Variants in WFDC10A observed in about 807,000 individuals in gnomAD.
WFDC10A encodes WAP four-disulfide core domain protein 10A.
WFDC10A carries 2 observed loss-of-function variants against 2.6 expected under a neutral mutation model. The observed-to-expected ratio is 0.76, with a 90% CI of 0.31 to 2.40. WFDC10A has a LOEUF of 2.40. Among genes scored for constraint, WFDC10A ranks in the 30% most tolerant of loss-of-function variants. The pLI is 0.12. For synonymous variants in WFDC10A, 36 were observed against 36.3 expected, an observed-to-expected ratio of 0.99 and a Z score of 0.03; for missense variants, 84 against 91.8, an observed-to-expected ratio of 0.92 and a Z score of 0.35.
chr20:45,630,971 A>G lies in WFDC10A; in HGVS notation c.193A>G (p.Ile65Val), dbSNP rs537092750. The change falls in exon 2 of 2, where the codon ATA (isoleucine) becomes GTA (valine). Residue 65 changes from isoleucine (I) to valine (V), a missense_variant. Coordinates refer to ENST00000372643, the MANE Select transcript of WFDC10A (RefSeq NM_080753.3). ...ESHRDCQANN[I>V]CCSTYCGNVC... is the part of the protein sequence containing the mutation. ...TCACCGAGATTGTCAAGCAAATAAC[A>G]TATGCTGTTCTACCTACTGTGGGAA... is the stretch of plus-strand genomic sequence containing the variant. 12 of 1,612,024 alleles carry G rather than the reference A, an allele frequency of 7.4e-6. No individual in the cohort carries two copies. The African/African-American group carries it at 9.3e-5, about 13-fold the overall frequency.
rs1982312899 is a variant in WFDC10A at position 45,629,853 on chromosome 20, G to A, written c.40G>A (p.Val14Met). The A allele has an allele frequency of 6.2e-7, 1 of 1,614,082 alleles. No homozygotes were observed. The highest frequency in any genetic ancestry group is 8.5e-7 in the Non-Finnish European group (1 of 1,180,002). The stretch of plus-strand genomic sequence containing the variant: ...TCTGCTGCCTGTCCTGGTTCTCTGT[G>A]TGCTGCTGCTGCAGGCCCAGGGAGG... ...QTLLPVLVLCVLLLQAQGGYR... is the reference protein window; with the variant it reads ...QTLLPVLVLCMLLLQAQGGYR... Residue 14 changes from valine to methionine, a missense_variant, in exon 1 of 2, where the codon GTG becomes ATG. Physicochemically the swap from Val to Met is conservative, Grantham distance 21. Coordinates refer to ENST00000372643, the MANE Select transcript of WFDC10A (RefSeq NM_080753.3).
intron 1 of WFDC10A, 22 bp from the exon 2 acceptor site, chr20:45,630,838 GCGTTTATTTA>G: frequency 6.4e-7 from 1 of 1,553,512 alleles, no homozygotes; most frequent in Non-Finnish European, 8.7e-7. Flanking sequence ...CTAGGAAACT[GCGTTTATTTA>G]CCGTTCTATT....
In WFDC10A at chr20:45,629,811, G is replaced by C. The variant is rs1172192420; in HGVS notation, c.-3G>C. ...ACATAGGGCTCACGATCTGATCAGA[G>C]TCATGGCACCCCAGACTCTGCTGCC... On this transcript the variant is annotated 5_prime_UTR_variant, in exon 1 of 2. Transcript: ENST00000372643. 1 of 1,613,488 alleles carries C rather than the reference G, an allele frequency of 6.2e-7. No homozygotes were observed. The highest frequency in any genetic ancestry group is 1.3e-5 in the African/African-American group (1 of 75,052).
intron 1 of WFDC10A, among the ~76,000 whole-genome samples, 194 bp downstream of exon 1, chr20:45,630,098 G>A (rs556124341): frequency 6.6e-6 from 1 of 152,154 alleles, no homozygotes; most frequent in South Asian, 2.1e-4. Flanking sequence ...ATAGTAATGG[G>A]AATGAAGAAG....
chr20:45,631,112 C>A lies in WFDC10A; in HGVS notation c.*94C>A. 7.2e-7 allele frequency: 1 copy of A among 1,393,366 alleles called. No homozygotes were observed. The highest frequency in any genetic ancestry group is 9.5e-7 in the Non-Finnish European group (1 of 1,049,686). 86.3% of individuals were successfully genotyped at this position (1,393,366 alleles called of 1,614,324 possible). A position where few individuals can be genotyped will look rare whatever the true frequency, so the allele number is the denominator to read the frequency against. ...AAGCACAAGGACCTCAAGTCACCAGCATAAGAACATCAACAGGAATGCCGC... is the reference window on the plus strand; with the variant it reads ...AAGCACAAGGACCTCAAGTCACCAGAATAAGAACATCAACAGGAATGCCGC... On this transcript the variant is annotated 3_prime_UTR_variant, in exon 2 of 2. Coordinates refer to ENST00000372643, the MANE Select transcript of WFDC10A (RefSeq NM_080753.3).
In WFDC10A at chr20:45,630,938, T is replaced by A. The variant is rs374193789; in HGVS notation, c.160T>A (p.Cys54Ser). The change falls in exon 2 of 2, where the codon TGT becomes AGT. Residue 54 changes from cysteine (C) to serine (S), a missense_variant. Coordinates refer to ENST00000372643, the MANE Select transcript of WFDC10A (RefSeq NM_080753.3). ...TAAACTATATCTATGCAAACACTTA[T>A]GTGAATCTCACCGAGATTGTCAAGC... is the stretch of plus-strand genomic sequence containing the variant. ...QPKLYLCKHL[C>S]ESHRDCQANN... 2 of 1,612,810 alleles carry A rather than the reference T, an allele frequency of 1.2e-6. No individual in the cohort carries two copies. Among genetic ancestry groups the A allele is most frequent in the Non-Finnish European group, 8.5e-7 (1 of 1,179,494 alleles).
Position 45,629,753 on chromosome 20 carries a change from G to T in WFDC10A, c.-61G>T. 6.3e-7 allele frequency: 1 copy of T among 1,575,628 alleles called. No homozygotes were observed. Among genetic ancestry groups the T allele is most frequent in the Non-Finnish European group, 8.6e-7 (1 of 1,157,086 alleles). ...TTCCTTCCTTCACTCTCCGTAGACA[G>T]CTCTGCAGGGAAGTCTGTGACAACC... On this transcript the variant is annotated 5_prime_UTR_variant, in exon 1 of 2. Transcript: ENST00000372643.
rs754099509 is a variant in WFDC10A, at chr20:45,630,933, A to T, written c.155A>T (p.His52Leu). ...QQQPKLYLCK[H>L]LCESHRDCQA... The stretch of plus-strand genomic sequence containing the variant: ...CAGCCTAAACTATATCTATGCAAAC[A>T]CTTATGTGAATCTCACCGAGATTGT... The change falls in exon 2 of 2, where the codon CAC becomes CTC. Residue 52 changes from histidine (H) to leucine (L), a missense_variant. Physicochemically the swap from His to Leu is moderately conservative, Grantham distance 99 (BLOSUM62 -3). Transcript: ENST00000372643. 11 of 1,612,488 alleles carry T rather than the reference A, an allele frequency of 6.8e-6. No homozygotes were observed. Among genetic ancestry groups the T allele is most frequent in the East Asian group, 2.2e-5 (1 of 44,790 alleles).
Position 45,630,919 on chromosome 20 carries a change from A to G in WFDC10A, c.141A>G (p.Leu47=), listed in dbSNP as rs759365403. 34 of 1,610,972 alleles carry G rather than the reference A, an allele frequency of 2.1e-5. No individual in the cohort carries two copies. In the South Asian group the frequency reaches 3.1e-4, roughly 15 times the overall value. Residue 47 remains leucine (L), a synonymous_variant, in exon 2 of 2, where the codon CTA becomes CTG. Transcript: ENST00000372643. ...AAGTCTGCCAGCAGCAGCCTAAACT[A>G]TATCTATGCAAACACTTATGTGAAT... ...EIKVCQQQPK[L]YLCKHLCESH... is the part of the protein sequence containing the mutation.
chr20:45,630,479 C>T (rs1982336073), intron 1 of WFDC10A, among the ~76,000 whole-genome samples: 1 of 152,122 alleles, frequency 6.6e-6, no homozygotes, highest in Non-Finnish European at 1.5e-5. Flanking sequence ...ATCCTCATCT[C>T]TGAATTCTAC....
In WFDC10A at chr20:45,630,917, C is replaced by G; in HGVS notation, c.139C>G (p.Leu47Val). 2 of 1,610,892 alleles carry G rather than the reference C, an allele frequency of 1.2e-6. No homozygotes were observed. The highest frequency in any genetic ancestry group is 1.7e-6 in the Non-Finnish European group (2 of 1,178,688). The change falls in exon 2 of 2, where the codon CTA (leucine) becomes GTA (valine). Residue 47 changes from leucine (L) to valine (V), a missense_variant. By Grantham distance (32) the Leu-to-Val change is conservative (BLOSUM62 1). Coordinates refer to ENST00000372643, the MANE Select transcript of WFDC10A (RefSeq NM_080753.3). Reference sequence around the variant, plus strand: ...CAAAGTCTGCCAGCAGCAGCCTAAACTATATCTATGCAAACACTTATGTGA... The same window carrying G: ...CAAAGTCTGCCAGCAGCAGCCTAAAGTATATCTATGCAAACACTTATGTGA... ...EIKVCQQQPK[L>V]YLCKHLCESH...
intron 1 of WFDC10A, 138 bp from the exon 2 acceptor site, chr20:45,630,732 G>A: frequency 1.0e-6 from 1 of 963,488 alleles, no homozygotes; most frequent in Non-Finnish European, 1.5e-6. Context: ...GTGATGGGCA[G>A]GAAGGTAGTT....
Position 45,630,853 on chromosome 20 carries a change from T to G in WFDC10A, c.92-17T>G. 3 of 1,585,028 alleles carry G rather than the reference T, an allele frequency of 1.9e-6. No homozygotes were observed. ...CTAGGAAACTGCGTTTATTTACCGT[T>G]CTATTCTCCTTGTCAGAAACACAGC... On this transcript the variant is annotated splice_polypyrimidine_tract_variant and intron_variant, in intron 1 of 1. Transcript: ENST00000372643.
rs777474048 is a variant in WFDC10A at position 45,630,970 on chromosome 20, C to T, written c.192C>T (p.Asn64=). 6 of 1,611,960 alleles carry T rather than the reference C, an allele frequency of 3.7e-6. No homozygotes were observed. Among genetic ancestry groups the T allele is most frequent in the Admixed American group, 1.7e-5 (1 of 59,732 alleles). ...CTCACCGAGATTGTCAAGCAAATAACATATGCTGTTCTACCTACTGTGGGA... is the reference window on the plus strand; with the variant it reads ...CTCACCGAGATTGTCAAGCAAATAATATATGCTGTTCTACCTACTGTGGGA... ...CESHRDCQAN[N]ICCSTYCGNV... The change falls in exon 2 of 2, where the codon AAC becomes AAT. Residue 64 remains asparagine (N), a synonymous_variant. Coordinates refer to ENST00000372643, the MANE Select transcript of WFDC10A (RefSeq NM_080753.3).
chr20:45,630,958 T>A lies in WFDC10A; in HGVS notation c.180T>A (p.Cys60Ter). 1 of 1,612,210 alleles carries A rather than the reference T, an allele frequency of 6.2e-7. No homozygotes were observed. The highest frequency in any genetic ancestry group is 8.5e-7 in the Non-Finnish European group (1 of 1,179,340). ...ACTTATGTGAATCTCACCGAGATTG[T>A]CAAGCAAATAACATATGCTGTTCTA... Reference protein sequence around the residue: ...CKHLCESHRDCQANNICCSTY... With the variant: ...CKHLCESHRD The change falls in exon 2 of 2, where the codon TGT (cysteine) becomes TGA (stop). Residue 60 changes from cysteine to a stop codon, truncating the protein, a stop_gained. Transcript: ENST00000372643. LOFTEE classifies it low-confidence loss of function (END_TRUNC).
intron 1 of WFDC10A, 92 bp downstream of exon 1, chr20:45,629,996 ACT>A (rs1318479118): frequency 3.2e-5 from 48 of 1,510,988 alleles, no homozygotes; most frequent in Non-Finnish European, 4.1e-5. Flanking sequence ...GGAGTTGGAA[ACT>A]CTCTGCATAT....
chr20:45,630,043 C>A, intron 1 of WFDC10A, 139 bp downstream of exon 1: 1 of 1,262,158 alleles, frequency 7.9e-7, no homozygotes, highest in Non-Finnish European at 1.1e-6. Flanking sequence ...AGACTCTGGA[C>A]TGTCCCTAAA....
chr20:45,631,065 T>C lies in WFDC10A; in HGVS notation c.*47T>C. ...TGCATCCTGCTTCCCAACTCCTCTATCCAAGACTGTGCCCACATCCGAAGC... is the reference window on the plus strand; with the variant it reads ...TGCATCCTGCTTCCCAACTCCTCTACCCAAGACTGTGCCCACATCCGAAGC... On this transcript the variant is annotated 3_prime_UTR_variant, in exon 2 of 2. Transcript: ENST00000372643. 6.6e-7 allele frequency: 1 copy of C among 1,515,344 alleles called. No homozygotes were observed. Among genetic ancestry groups the C allele is most frequent in the East Asian group, 2.4e-5 (1 of 41,460 alleles). 93.9% of individuals were successfully genotyped at this position (1,515,344 alleles called of 1,614,324 possible).
Position 45,629,763 on chromosome 20 carries a change from G to C in WFDC10A, c.-51G>C, listed in dbSNP as rs1982309913. On this transcript the variant is annotated 5_prime_UTR_variant, in exon 1 of 2. Coordinates refer to ENST00000372643, the MANE Select transcript of WFDC10A (RefSeq NM_080753.3). ...CACTCTCCGTAGACAGCTCTGCAGG[G>C]AAGTCTGTGACAACCTGGCCAGACA... 1 of 1,590,718 alleles carries C rather than the reference G, an allele frequency of 6.3e-7. No homozygotes were observed. Among genetic ancestry groups the C allele is most frequent in the African/African-American group, 1.3e-5 (1 of 74,546 alleles).
Sources: gnomAD v4.1 joint callset for allele counts (sites outside exome capture counted in the v4.1 genomes callset) on GRCh38, gnomAD v4.1.1 for gene constraint, MANE v1.5 for transcripts, NCBI Gene and HGNC (gene_info 2026-07-23, HGNC 2026-07-21) for gene names.